INPP5F: variants seen among roughly 807,000 people sequenced by gnomAD.
The protein encoded by INPP5F is inositol polyphosphate-5-phosphatase F.
INPP5F carries 97 observed loss-of-function variants against 137.2 expected under a neutral mutation model. That is an observed-to-expected ratio of 0.71 (90% CI 0.60 to 0.84). The LOEUF is 0.84. INPP5F is among the 40% of genes least tolerant of loss of function. INPP5F has a pLI of 0.00. For missense variants in INPP5F, 1,271 were observed against 1,371.9 expected (o/e 0.93, Z 1.16); for synonymous variants, 504 against 476.9 (o/e 1.06, Z -0.74).
chr10:119,826,548 A>G (rs1851767364), intron 19 of INPP5F, 83 bp from the exon 20 acceptor site: 1 of 1,123,748 alleles, frequency 8.9e-7, no homozygotes, highest in Non-Finnish European at 1.3e-6. Flanking sequence ...CAATTTGAAT[A>G]ACTGTTTTCA....
intron 1 of INPP5F, among the ~76,000 whole-genome samples, chr10:119,736,222 G>A (rs918533572): frequency 3.3e-5 from 5 of 152,186 alleles, no homozygotes; most frequent in African/African-American, 1.2e-4. Flanking sequence ...CATCACCCAA[G>A]GATTTATCTA....
intron 6 of INPP5F, among the ~76,000 whole-genome samples, chr10:119,794,811 C>A (rs1274713125): frequency 1.7e-5 from 2 of 121,166 alleles, no homozygotes; most frequent in East Asian, 4.5e-4. Flanking sequence ...CCCCCACCTC[C>A]CTCCCTCCCA....
intron 7 of INPP5F, 130 bp from the exon 8 acceptor site, chr10:119,797,331 C>T: frequency 1.4e-6 from 1 of 705,382 alleles, no homozygotes; most frequent in Non-Finnish European, 2.3e-6. Context: ...TGATACTGTT[C>T]TGCTTGGCAG....
At chr10:119,737,422 C>T (rs2134106249) in intron 1 of INPP5F, among the ~76,000 whole-genome samples, 1 of 152,282 alleles carries the variant, frequency 6.6e-6, no homozygotes, top group South Asian at 2.1e-4. Context: ...ACAGTAGAAT[C>T]ACCAGGGGGA....
At chr10:119,741,206 C>T (rs747423523) in intron 1 of INPP5F, among the ~76,000 whole-genome samples, 2 of 152,194 alleles carry the variant, frequency 1.3e-5, no homozygotes, top group African/African-American at 2.4e-5. Flanking sequence ...CCCCAGGTCA[C>T]CCTTGCACAT....
intron 6 of INPP5F, among the ~76,000 whole-genome samples, chr10:119,792,877 CAT>C (rs1173490453): frequency 1.3e-5 from 2 of 152,120 alleles, no homozygotes; most frequent in East Asian, 3.9e-4. Context: ...TGAATAAAGT[CAT>C]ATGTTATCTT....
At chr10:119,735,963 C>T (rs1215504021) in intron 1 of INPP5F, among the ~76,000 whole-genome samples, 3 of 152,200 alleles carry the variant, frequency 2.0e-5, no homozygotes, top group Admixed American at 2.0e-4. Flanking sequence ...AACACTGTCT[C>T]TACTGAAAAT....
chr10:119,818,534 C>G (rs550055295), intron 15 of INPP5F, among the ~76,000 whole-genome samples: 106 of 152,372 alleles, frequency 7.0e-4, no homozygotes, highest in African/African-American at 2.3e-3. Flanking sequence ...CGAACTCTCG[C>G]GGGAGTGGCC....
intron 15 of INPP5F, chr10:119,814,418 T>C (rs1851179325): frequency 6.6e-6 from 1 of 151,532 alleles, no homozygotes; most frequent in South Asian, 2.1e-4. Flanking sequence ...AAATAAATAA[T>C]AAAAGTTCCC....
chr10:119,819,611 T>C lies in INPP5F; in HGVS notation c.1887-1235T>C, dbSNP rs992667113. 7 of 1,253,578 alleles carry C rather than the reference T, an allele frequency of 5.6e-6. No individual in the cohort carries two copies. In the African/African-American group the frequency reaches 1.0e-4, roughly 19 times the overall value. 77.7% of individuals were successfully genotyped at this position (1,253,578 alleles called of 1,614,324 possible). On this transcript the variant is annotated intron_variant, in intron 15 of 19. Coordinates refer to ENST00000650623, the MANE Select transcript of INPP5F (RefSeq NM_014937.4). ...ATTATTCTCTATGAAGCTGTCTGGA[T>C]CGGTCTCCTTTTCCCATTGGTTAAT...
chr10:119,785,150 T>C (rs1323959990), intron 3 of INPP5F, among the ~76,000 whole-genome samples: 1 of 152,128 alleles, frequency 6.6e-6, no homozygotes, highest in Admixed American at 6.5e-5. Context: ...CTATTATGAA[T>C]AATGCTATTA....
rs768835079 is a variant in INPP5F at position 119,781,679 on chromosome 10, G to A, written c.223G>A (p.Gly75Ser). ...LILIRQKALV[G>S]KLPGDHEVCK... is the part of the protein sequence containing the mutation. ...TCTAATTCGGCAGAAAGCATTGGTG[G>A]GCAAACTCCCAGGAGACCATGAGGT... Residue 75 changes from glycine (G) to serine (S), a missense_variant, in exon 3 of 20, where the codon GGC becomes AGC. Physicochemically the swap from Gly to Ser is moderately conservative, Grantham distance 56. Around this residue, in one of 6 missense-constraint regions of INPP5F, gnomAD observed 109 missense variants for 105.1 expected, o/e 1.04. Transcript: ENST00000650623. The A allele has an allele frequency of 1.2e-6, 2 of 1,612,306 alleles. No individual in the cohort carries two copies. The highest frequency in any genetic ancestry group is 2.2e-5 in the South Asian group (2 of 90,752).
At chr10:119,792,567 GTTT>G (rs397847812) in intron 6 of INPP5F, among the ~76,000 whole-genome samples, 6 of 124,578 alleles carry the variant, frequency 4.8e-5, no homozygotes, top group East Asian at 2.4e-4. Context: ...AATGGTACCA[GTTT>G]TTTTTTTTTT....
chr10:119,741,909 C>T (rs572499344), intron 1 of INPP5F, among the ~76,000 whole-genome samples: 1 of 152,202 alleles, frequency 6.6e-6, no homozygotes, highest in Admixed American at 6.5e-5. Flanking sequence ...CAACCTCCGC[C>T]TCCCAGGTTC....
chr10:119,785,286 G>GTTTTTTTTTTTTTTTTGTTTTTTTT (rs1849849539), intron 3 of INPP5F, among the ~76,000 whole-genome samples: 1 of 106,228 alleles, frequency 9.4e-6, no homozygotes, highest in African/African-American at 3.7e-5. Context: ...CTGCCAGACT[G>GTTTTTTTTTTTTTTTTGTTTTTTTT]TTTTTTTTTT....
chr10:119,726,912 A>T (rs2134092695), intron 1 of INPP5F, among the ~76,000 whole-genome samples: 1 of 152,312 alleles, frequency 6.6e-6, no homozygotes, highest in African/African-American at 2.4e-5. Flanking sequence ...TTTGTCTTTG[A>T]CTTTAATACC....
At chr10:119,797,356 C>T (rs1850422026) in intron 7 of INPP5F, 105 bp from the exon 8 acceptor site, 1 of 915,156 alleles carries the variant, frequency 1.1e-6, no homozygotes, top group African/African-American at 1.7e-5. Context: ...ACACTGAATC[C>T]CCAAGGCTAT....
In INPP5F at chr10:119,828,190, A is replaced by C. The variant is rs1205061619; in HGVS notation, c.*410A>C. 1.3e-5 allele frequency: 2 copies of C among 157,164 alleles called. No homozygotes were observed. 9.7% of individuals were successfully genotyped at this position (157,164 alleles called of 1,614,324 possible). ...TTCATTCCTGTGTGTTCTTACCTCT[A>C]CAAAGTAAATTACACATTTAGTTTT... is the stretch of plus-strand genomic sequence containing the variant. On this transcript the variant is annotated 3_prime_UTR_variant, in exon 20 of 20. Transcript: ENST00000650623.
intron 1 of INPP5F, among the ~76,000 whole-genome samples, chr10:119,742,782 C>T (rs117931255): frequency 0.042 from 6,325 of 152,096 alleles, 229 homozygotes; most frequent in South Asian, 0.21. Flanking sequence ...TACCTGAGGT[C>T]GCAAGTTTGA....
Sources: allele counts gnomAD v4.1 joint callset (sites outside exome capture counted in the v4.1 genomes callset), GRCh38; gene constraint gnomAD v4.1.1; regional missense constraint gnomAD v4.1.1; transcripts MANE v1.5; gene names NCBI Gene and HGNC (gene_info 2026-07-23, HGNC 2026-07-21).